Variants in UQCC1 observed in about 807,000 individuals in gnomAD.
The protein encoded by UQCC1 is ubiquinol-cytochrome c reductase complex assembly factor 1.
Under a neutral mutation model 48.0 loss-of-function variants are expected in UQCC1, and 38 were observed. That is an observed-to-expected ratio of 0.79 (90% CI 0.61 to 1.04). The LOEUF (loss-of-function observed/expected upper bound fraction) is 1.04. Among genes scored for constraint, UQCC1 ranks in the 50% least tolerant of loss-of-function variants. The pLI is 0.00. For missense variants in UQCC1, 368 were observed against 381.8 expected (o/e 0.96, Z 0.30); for synonymous variants, 111 against 129.2 (o/e 0.86, Z 0.95).
At chr20:35,349,220 A>G (rs2061463461) in intron 6 of UQCC1, among the ~76,000 whole-genome samples, 1 of 152,238 alleles carries the variant, frequency 6.6e-6, no homozygotes, top group Non-Finnish European at 1.5e-5. Context: ...TGCAGGTGAC[A>G]AGAAGCTGGG....
At chr20:35,356,152 G>C (rs1014506925) in intron 6 of UQCC1, among the ~76,000 whole-genome samples, 4 of 152,176 alleles carry the variant, frequency 2.6e-5, no homozygotes, top group African/African-American at 9.7e-5. Flanking sequence ...GCCTCCCAAA[G>C]TGCTGGGATT....
At chr20:35,378,083 T>C (rs534894055) in intron 4 of UQCC1, among the ~76,000 whole-genome samples, 3 of 152,254 alleles carry the variant, frequency 2.0e-5, no homozygotes, top group Admixed American at 6.5e-5. Context: ...GTTAAGGACG[T>C]AGGGGGACTG....
At chr20:35,320,913 C>T (rs941193213) in intron 7 of UQCC1, among the ~76,000 whole-genome samples, 8 of 152,312 alleles carry the variant, frequency 5.3e-5, no homozygotes, top group Admixed American at 2.0e-4. Context: ...CATAAGGCAA[C>T]AATGCAACAC....
At chr20:35,318,795 G>A (rs1300576713) in intron 7 of UQCC1, among the ~76,000 whole-genome samples, 1 of 152,228 alleles carries the variant, frequency 6.6e-6, no homozygotes, top group Non-Finnish European at 1.5e-5. Flanking sequence ...TCACTCGGCA[G>A]GGCCCTTCTA....
At chr20:35,364,829 T>G (rs1225020119) in intron 6 of UQCC1, among the ~76,000 whole-genome samples, 1 of 152,212 alleles carries the variant, frequency 6.6e-6, no homozygotes, top group East Asian at 1.9e-4. Context: ...ATTATATATT[T>G]TATTTTATTT....
intron 7 of UQCC1, among the ~76,000 whole-genome samples, chr20:35,319,841 T>C (rs1241818366): frequency 6.6e-6 from 1 of 152,226 alleles, no homozygotes; most frequent in Non-Finnish European, 1.5e-5. Flanking sequence ...CGCTGCTCTC[T>C]TTCCCCTTTT....
intron 5 of UQCC1, among the ~76,000 whole-genome samples, chr20:35,370,637 C>T (rs1047752127): frequency 6.6e-6 from 1 of 152,028 alleles, no homozygotes; most frequent in East Asian, 1.9e-4. Context: ...TGAAGAGTAG[C>T]GTTACTAAAA....
At chr20:35,387,770 C>A (rs773272917) in intron 2 of UQCC1, among the ~76,000 whole-genome samples, 2 of 150,550 alleles carry the variant, frequency 1.3e-5, no homozygotes, top group Non-Finnish European at 2.9e-5. Context: ...GGAGAGGTTG[C>A]AATTTGGTAA....
At chr20:35,397,936 T>C (rs576225667) in intron 1 of UQCC1, among the ~76,000 whole-genome samples, 19 of 152,344 alleles carry the variant, frequency 1.2e-4, no homozygotes, top group Admixed American at 2.6e-4. Flanking sequence ...GAGCATTTGA[T>C]GGCAGGCACT....
At position 35,381,943 on chromosome 20, in the gene UQCC1, G is replaced by T; in HGVS notation, c.308C>A (p.Thr103Lys). ...CCATTTACTGTATTTCAAAGGTCCC[G>T]TGAATCCCATGGCTTCTATTATCTT... is the stretch of plus-strand genomic sequence containing the variant. ...FTKIIEAMGF[T>K]GPLKYSKWKI... Residue 103 changes from threonine to lysine, a missense_variant, in exon 4 of 10, where the codon ACG becomes AAG. Thr to Lys is a moderately conservative substitution (Grantham distance 78). Coordinates refer to ENST00000374385, the MANE Select transcript of UQCC1 (RefSeq NM_018244.5). The T allele has an allele frequency of 6.2e-7, 1 of 1,609,900 alleles. No individual in the cohort carries two copies. Among genetic ancestry groups the T allele is most frequent in the Non-Finnish European group, 8.5e-7 (1 of 1,177,286 alleles).
At position 35,302,744 on chromosome 20, in the gene UQCC1, C is replaced by T. The variant is rs1469019688; in HGVS notation, c.*1191G>A. On this transcript the variant is annotated 3_prime_UTR_variant, in exon 10 of 10. Transcript: ENST00000374385. ...TCTCACACACACACAGGAGGCTTCA[C>T]TCTAGAGCTCCGCTCGCAACAAAAG... 1 of 152,258 alleles carries T rather than the reference C, an allele frequency of 6.6e-6. No individual in the cohort carries two copies. Among genetic ancestry groups the T allele is most frequent in the Non-Finnish European group, 1.5e-5 (1 of 68,054 alleles). The allele number at this position is 152,258 out of a possible 1,614,324, so 9.4% of individuals were successfully genotyped here.
At chr20:35,347,880 A>C (rs768897500) in intron 6 of UQCC1, among the ~76,000 whole-genome samples, 1 of 152,242 alleles carries the variant, frequency 6.6e-6, no homozygotes, top group Non-Finnish European at 1.5e-5. Flanking sequence ...ACTGGGTTAC[A>C]TACAATCTAT....
intron 1 of UQCC1, among the ~76,000 whole-genome samples, chr20:35,396,637 A>G (rs1331144616): frequency 6.6e-6 from 1 of 152,188 alleles, no homozygotes; most frequent in Non-Finnish European, 1.5e-5. Flanking sequence ...CCAAGACAAG[A>G]GAGATTAAAT....
chr20:35,345,142 C>A (rs76600084), intron 7 of UQCC1: 1 of 152,162 alleles, frequency 6.6e-6, no homozygotes, highest in Admixed American at 6.5e-5. Flanking sequence ...TATAATAAAC[C>A]GGTAATGTAA....
chr20:35,410,760 A>T (rs538117609), intron 1 of UQCC1, among the ~76,000 whole-genome samples: 231 of 140,010 alleles, frequency 1.6e-3, no homozygotes, highest in Admixed American at 4.1e-3. Flanking sequence ...AGGATTAAAA[A>T]AAAAAAAAAA....
chr20:35,363,694 T>C (rs2061633800), intron 6 of UQCC1, among the ~76,000 whole-genome samples: 1 of 152,312 alleles, frequency 6.6e-6, no homozygotes, highest in South Asian at 2.1e-4. Context: ...ATTAGTAGTT[T>C]GTTTGGTTTT....
intron 7 of UQCC1, among the ~76,000 whole-genome samples, chr20:35,318,261 C>T (rs765833755): frequency 6.6e-6 from 1 of 152,184 alleles, no homozygotes; most frequent in Non-Finnish European, 1.5e-5. Flanking sequence ...AAAGGGTGAA[C>T]TGAAACCCAG....
At chr20:35,400,430 C>G (rs890881733) in intron 1 of UQCC1, among the ~76,000 whole-genome samples, 2 of 151,920 alleles carry the variant, frequency 1.3e-5, no homozygotes, top group Non-Finnish European at 2.9e-5. Context: ...TGCACTGTTA[C>G]TAAGTGAGAA....
intron 3 of UQCC1, among the ~76,000 whole-genome samples, chr20:35,382,554 C>T (rs2061887325): frequency 1.4e-5 from 2 of 145,982 alleles, no homozygotes; most frequent in African/African-American, 5.1e-5. Flanking sequence ...GCTCTGTCGC[C>T]CAGGCTGGAG....
Sources: allele counts gnomAD v4.1 joint callset (sites outside exome capture counted in the v4.1 genomes callset), GRCh38; gene constraint gnomAD v4.1.1; transcripts MANE v1.5; gene names NCBI Gene and HGNC (gene_info 2026-07-23, HGNC 2026-07-21).